DHX36: variants seen among roughly 807,000 people sequenced by gnomAD.
DHX36 encodes ATP-dependent DNA/RNA helicase DHX36.
DHX36 carries 50 observed loss-of-function variants against 139.0 expected under a neutral mutation model. The ratio of observed to expected loss-of-function variants is 0.36; its 90% confidence interval spans 0.29 to 0.46. DHX36 has a LOEUF of 0.46. Ranked by LOEUF, DHX36 falls within the 20% of genes least tolerant of loss-of-function variation. The pLI, the probability that DHX36 is intolerant of heterozygous loss-of-function variation, is 1.00. For synonymous variants in DHX36, 425 were observed against 401.9 expected (o/e 1.06, Z -0.69); for missense variants, 1,024 against 1,211.3 (o/e 0.85, Z 2.29).
At chr3:154,285,567 G>A (rs763069073) in intron 17 of DHX36, among the ~76,000 whole-genome samples, 6 of 152,140 alleles carry the variant, frequency 3.9e-5, no homozygotes, top group Non-Finnish European at 7.3e-5. Context: ...TAGGGGAGGT[G>A]AGTGCAGAGG....
At chr3:154,277,948 A>G in intron 22 of DHX36, 1 of 329,252 alleles carries the variant, frequency 3.0e-6, no homozygotes, top group Non-Finnish European at 5.5e-6. Context: ...ATCAGTATGA[A>G]TAATTTAAAT....
At chr3:154,300,951 C>A (rs1417482515) in intron 10 of DHX36, 36 bp downstream of exon 10, 1 of 1,604,098 alleles carries the variant, frequency 6.2e-7, no homozygotes, top group African/African-American at 1.4e-5. Context: ...TTTTATTTAG[C>A]CACTGATTTC....
In DHX36 at chr3:154,304,900, C is replaced by A; in HGVS notation, c.1041G>T (p.Met347Ile). 6.2e-7 allele frequency: 1 copy of A among 1,612,912 alleles called. No homozygotes were observed. The highest frequency in any genetic ancestry group is 8.5e-7 in the Non-Finnish European group (1 of 1,179,568). The change falls in exon 8 of 25, where the codon ATG (methionine) becomes ATT (isoleucine). Residue 347 changes from methionine to isoleucine, a missense_variant. By Grantham distance (10) the Met-to-Ile change is conservative (BLOSUM62 1). This residue lies in a region of DHX36 where 146 missense variants were observed against 215.0 expected (regional missense o/e 0.68). Transcript: ENST00000496811. ...HERNLQSDVL[M>I]TVVKDLLNFR... ...AATTGAGAAGGTCTTTAACAACAGT[C>A]ATTAAAACATCTGACTGCAGATTTC...
chr3:154,304,806 C>A lies in DHX36; in HGVS notation c.1135G>T (p.Gly379Cys). Residue 379 changes from glycine (G) to cysteine (C), a missense_variant and splice_region_variant, in exon 8 of 25, where the codon GGT becomes TGT. Transcript: ENST00000496811. ...LNAEKFSEYFGNCPMIHIPGF... is the reference protein window; with the variant it reads ...LNAEKFSEYFCNCPMIHIPGF... ...TGTAATAACTATACATTTTACTCACCAAAATATTCTGAAAACTTTTCTGCA... is the reference window on the plus strand; with the variant it reads ...TGTAATAACTATACATTTTACTCACAAAAATATTCTGAAAACTTTTCTGCA... 1 of 1,544,218 alleles carries A rather than the reference C, an allele frequency of 6.5e-7. No homozygotes were observed. The highest frequency in any genetic ancestry group is 8.7e-7 in the Non-Finnish European group (1 of 1,151,096).
chr3:154,301,191 T>C lies in DHX36; in HGVS notation c.1218-64A>G, dbSNP rs376975988. ...AAACTCTAGTTTTAGCTAAAATCTG[T>C]GACATTTTATATTTAGGATTTTCAA... On this transcript the variant is annotated intron_variant, in intron 9 of 24. Coordinates refer to ENST00000496811, the MANE Select transcript of DHX36 (RefSeq NM_020865.3). The C allele has an allele frequency of 8.2e-5, 119 of 1,447,248 alleles. No homozygotes were observed. The South Asian group carries it at 1.5e-3, about 18-fold the overall frequency. The allele number at this position is 1,447,248 out of a possible 1,614,324, so 89.7% of individuals were successfully genotyped here.
At chr3:154,285,047 T>C (rs910416973) in intron 17 of DHX36, 60 bp from the exon 18 acceptor site, 3 of 1,542,258 alleles carry the variant, frequency 1.9e-6, no homozygotes, top group African/African-American at 2.7e-5. Context: ...TTAAAACGAT[T>C]TTAGCTTGCT....
intron 4 of DHX36, 75 bp from the exon 5 acceptor site, chr3:154,309,898 A>G (rs1210260724): frequency 8.6e-7 from 1 of 1,156,660 alleles, no homozygotes; most frequent in African/African-American, 1.6e-5. Context: ...AAATTCGACC[A>G]AACTGAACAT....
At chr3:154,281,214 C>G (rs565354001) in intron 20 of DHX36, among the ~76,000 whole-genome samples, 1 of 152,120 alleles carries the variant, frequency 6.6e-6, no homozygotes, top group East Asian at 1.9e-4. Flanking sequence ...AAGGATTACT[C>G]TATTTTGTGA....
intron 13 of DHX36, among the ~76,000 whole-genome samples, chr3:154,294,258 C>T (rs1009255386): frequency 6.6e-6 from 1 of 151,976 alleles, no homozygotes; most frequent in South Asian, 2.1e-4. Context: ...TGTCTACTAG[C>T]TTGAGATCAG....
At chr3:154,316,833 C>T (rs1185676268) in intron 1 of DHX36, among the ~76,000 whole-genome samples, 4 of 150,754 alleles carry the variant, frequency 2.7e-5, no homozygotes, top group Non-Finnish European at 5.9e-5. Flanking sequence ...AATGCCAAAA[C>T]CCAATTCTTT....
At position 154,289,840 on chromosome 3, in the gene DHX36, C is replaced by A. The variant is rs752057652; in HGVS notation, c.1815-14G>T. ...CCAGGTTGAACTCTTAAAAAAAAAA[C>A]AAAACAAAATGAAACAAAGAGGGAC... is the stretch of plus-strand genomic sequence containing the variant. On this transcript the variant is annotated splice_polypyrimidine_tract_variant and intron_variant, in intron 15 of 24. Transcript: ENST00000496811. 154 of 1,443,926 alleles carry A rather than the reference C, an allele frequency of 1.1e-4. No individual in the cohort carries two copies. The highest frequency in any genetic ancestry group is 8.1e-4 in the South Asian group (64 of 78,776). The allele number at this position is 1,443,926 out of a possible 1,614,324, so 89.4% of individuals were successfully genotyped here.
chr3:154,282,330 C>T (rs1418083584), intron 20 of DHX36, among the ~76,000 whole-genome samples: 1 of 152,018 alleles, frequency 6.6e-6, no homozygotes, highest in South Asian at 2.1e-4. Flanking sequence ...TTTCCTATGG[C>T]AATAACTTGT....
intron 4 of DHX36, among the ~76,000 whole-genome samples, chr3:154,310,735 C>T (rs1280473882): frequency 1.4e-4 from 18 of 131,758 alleles, no homozygotes; most frequent in South Asian, 1.1e-3. Flanking sequence ...GCCGAGATTG[C>T]GCCACTGCAC....
At chr3:154,284,173 T>C (rs937005550) in intron 19 of DHX36, among the ~76,000 whole-genome samples, 8 of 152,116 alleles carry the variant, frequency 5.3e-5, no homozygotes, top group South Asian at 4.1e-4. Context: ...TATGATAATA[T>C]AGATTTTGGT....
chr3:154,276,659 T>C (rs937073650), intron 24 of DHX36, 88 bp downstream of exon 24: 13 of 1,343,986 alleles, frequency 9.7e-6, no homozygotes, highest in East Asian at 6.9e-5. Flanking sequence ...GAGCAAGAAA[T>C]GTTAATCTAT....
intron 5 of DHX36, among the ~76,000 whole-genome samples, chr3:154,309,173 A>G (rs1012669456): frequency 2.6e-5 from 4 of 152,036 alleles, no homozygotes; most frequent in African/African-American, 9.7e-5. Context: ...AAGTGACAAA[A>G]TAAGACCCTG....
intron 4 of DHX36, 33 bp from the exon 5 acceptor site, chr3:154,309,856 T>A: frequency 6.8e-7 from 1 of 1,471,298 alleles, no homozygotes; most frequent in Non-Finnish European, 9.2e-7. Context: ...GAATATCACA[T>A]GTTGACTAAG....
intron 12 of DHX36, among the ~76,000 whole-genome samples, chr3:154,299,109 T>C (rs1478849391): frequency 6.6e-6 from 1 of 151,696 alleles, no homozygotes; most frequent in Non-Finnish European, 1.5e-5. Flanking sequence ...CCATCTCTAC[T>C]AAAAATGCAG....
intron 11 of DHX36, 38 bp downstream of exon 11, chr3:154,300,556 A>T: frequency 1.3e-6 from 2 of 1,512,256 alleles, no homozygotes; most frequent in Non-Finnish European, 1.8e-6. Flanking sequence ...TAATAAAATT[A>T]AAATTATGTT....
Sources: allele counts gnomAD v4.1 joint callset (sites outside exome capture counted in the v4.1 genomes callset), GRCh38; gene constraint gnomAD v4.1.1; regional missense constraint gnomAD v4.1.1; transcripts MANE v1.5; gene names NCBI Gene and HGNC (gene_info 2026-07-23, HGNC 2026-07-21).